Variants in SMARCC1 observed in about 807,000 individuals in gnomAD.
The protein encoded by SMARCC1 is SWI/SNF related BAF chromatin remodeling complex subunit C1, also known as SWI/SNF complex subunit SMARCC1.
A neutral mutation model predicts 147.4 loss-of-function variants in SMARCC1; 43 were observed. The observed-to-expected ratio is 0.29, with a 90% confidence interval of 0.23 to 0.38. SMARCC1 has a LOEUF of 0.38. Among genes scored for constraint, SMARCC1 ranks in the 10% least tolerant of loss-of-function variants. The pLI is 1.00. For synonymous variants in SMARCC1, 495 were observed against 484.4 expected (o/e 1.02, Z -0.29); for missense variants, 1,119 against 1,381.1 (o/e 0.81, Z 3.01).
intron 26 of SMARCC1, 137 bp from the exon 27 acceptor site, chr3:47,590,974 T>C (rs2032171858): frequency 2.6e-6 from 2 of 773,060 alleles, no homozygotes; most frequent in South Asian, 3.7e-5. Context: ...TAATCTGTAA[T>C]AATCTCTATG....
chr3:47,589,439 A>G (rs1319440173), intron 27 of SMARCC1, among the ~76,000 whole-genome samples: 2 of 152,166 alleles, frequency 1.3e-5, no homozygotes, highest in Non-Finnish European at 2.9e-5. Context: ...CCTCTGCAAT[A>G]GGGATGGAAA....
At chr3:47,696,058 C>T (rs972327553) in intron 11 of SMARCC1, among the ~76,000 whole-genome samples, 1 of 109,660 alleles carries the variant, frequency 9.1e-6, no homozygotes, top group African/African-American at 3.9e-5. Flanking sequence ...CTGAGCAAGA[C>T]GCTGTCTCAA....
chr3:47,760,584 C>T (rs1421507188), intron 2 of SMARCC1, among the ~76,000 whole-genome samples: 1 of 151,616 alleles, frequency 6.6e-6, no homozygotes, highest in African/African-American at 2.4e-5. Context: ...ATCATTTGAA[C>T]CTGGTAGGGG....
intron 7 of SMARCC1, among the ~76,000 whole-genome samples, chr3:47,715,533 C>T (rs892464845): frequency 6.6e-6 from 1 of 152,202 alleles, no homozygotes; most frequent in Non-Finnish European, 1.5e-5. Context: ...CCACTCTGCT[C>T]ACTGGTTTTC....
intron 26 of SMARCC1, among the ~76,000 whole-genome samples, chr3:47,598,719 A>G (rs573135430): frequency 6.6e-6 from 1 of 151,668 alleles, no homozygotes; most frequent in African/African-American, 2.4e-5. Flanking sequence ...GGTCACAGCT[A>G]CTTGGGAGGC....
rs1160782823 is a variant in SMARCC1 at position 47,585,491 on chromosome 3, G to C, written c.*2718C>G. 6.6e-6 allele frequency: 1 copy of C among 152,110 alleles called. No homozygotes were observed. Among genetic ancestry groups the C allele is most frequent in the Non-Finnish European group, 1.5e-5 (1 of 68,010 alleles). 9.4% of individuals were successfully genotyped at this position (152,110 alleles called of 1,614,324 possible). A position where few individuals can be genotyped will look rare whatever the true frequency, so the allele number is the denominator to read the frequency against. On this transcript the variant is annotated 3_prime_UTR_variant, in exon 28 of 28. Transcript: ENST00000254480. ...ACAATCACTTCTTTTTTTCTGCACAGGGTTTATATCTGTGAGTACCCAAAA... is the reference window on the plus strand; with the variant it reads ...ACAATCACTTCTTTTTTTCTGCACACGGTTTATATCTGTGAGTACCCAAAA...
chr3:47,629,678 T>C (rs1057260716), intron 24 of SMARCC1, among the ~76,000 whole-genome samples: 1 of 152,120 alleles, frequency 6.6e-6, no homozygotes, highest in Non-Finnish European at 1.5e-5. Flanking sequence ...TAGAGAATGA[T>C]GGTAGCCATC....
At chr3:47,671,615 T>C (rs1021146420) in intron 18 of SMARCC1, among the ~76,000 whole-genome samples, 1 of 152,250 alleles carries the variant, frequency 6.6e-6, no homozygotes, top group African/African-American at 2.4e-5. Flanking sequence ...GAAGTGAGAC[T>C]GGCTTGTGTA....
intron 2 of SMARCC1, among the ~76,000 whole-genome samples, chr3:47,758,281 A>G (rs1025288645): frequency 4.0e-5 from 6 of 151,842 alleles, no homozygotes; most frequent in Non-Finnish European, 4.4e-5. Flanking sequence ...CAACATGCTG[A>G]CGCTAATATT....
At chr3:47,736,728 G>C (rs1164115555) in intron 4 of SMARCC1, among the ~76,000 whole-genome samples, 1 of 151,650 alleles carries the variant, frequency 6.6e-6, no homozygotes, top group African/African-American at 2.4e-5. Context: ...ATAAAAAATA[G>C]CAATGGCAAA....
intron 2 of SMARCC1, among the ~76,000 whole-genome samples, chr3:47,771,514 G>A (rs1355376637): frequency 2.6e-5 from 4 of 152,134 alleles, no homozygotes; most frequent in East Asian, 3.9e-4. Context: ...CTGGGAGGCC[G>A]AGGTAGGGAA....
chr3:47,662,530 C>T lies in SMARCC1; in HGVS notation c.1962G>A (p.Gln654=), dbSNP rs1300865748. 4 of 1,613,772 alleles carry T rather than the reference C, an allele frequency of 2.5e-6. No individual in the cohort carries two copies. The highest frequency in any genetic ancestry group is 2.2e-5 in the East Asian group (1 of 44,888). The change falls in exon 20 of 28, where the codon CAG becomes CAA. Residue 654 remains glutamine (Q), a synonymous_variant. Coordinates refer to ENST00000254480, the MANE Select transcript of SMARCC1 (RefSeq NM_003074.4). ...KVSEHVGSRT[Q]DECILHFLRL... ...TCAAAAAGTGGAGGATGCATTCATC[C>T]TGAGTACGACTTCCAACATGTTCCG... is the stretch of plus-strand genomic sequence containing the variant.
At chr3:47,736,204 AC>A in intron 4 of SMARCC1, 78 bp from the exon 5 acceptor site, 2 of 743,138 alleles carry the variant, frequency 2.7e-6, no homozygotes, top group Non-Finnish European at 4.4e-6. Context: ...TATACAAACC[AC>A]CCCCAGATAA....
intron 6 of SMARCC1, among the ~76,000 whole-genome samples, chr3:47,722,446 C>T (rs544659603): frequency 1.3e-5 from 2 of 151,690 alleles, no homozygotes; most frequent in East Asian, 3.9e-4. Flanking sequence ...TACAGGCATG[C>T]GCCACACCAT....
chr3:47,752,232 A>T (rs2034637622), intron 2 of SMARCC1, among the ~76,000 whole-genome samples: 1 of 152,200 alleles, frequency 6.6e-6, no homozygotes, highest in African/African-American at 2.4e-5. Context: ...TGGCTCAAAA[A>T]AGCTCAGTAG....
chr3:47,660,486 T>G (rs1326313967), intron 21 of SMARCC1, among the ~76,000 whole-genome samples: 1 of 136,830 alleles, frequency 7.3e-6, no homozygotes, highest in Non-Finnish European at 1.6e-5. Flanking sequence ...ACAATAAAAA[T>G]GTCCATGAAC....
At chr3:47,709,993 A>C (rs778934806) in intron 9 of SMARCC1, among the ~76,000 whole-genome samples, 7 of 152,160 alleles carry the variant, frequency 4.6e-5, no homozygotes, top group African/African-American at 1.7e-4. Context: ...CTTTACACTA[A>C]CTACCATCTG....
At chr3:47,697,090 G>GTC (rs1211971032) in intron 11 of SMARCC1, among the ~76,000 whole-genome samples, 1 of 152,160 alleles carries the variant, frequency 6.6e-6, no homozygotes, top group African/African-American at 2.4e-5. Context: ...GGAGGCTGAG[G>GTC]AGGGTAGATT....
At chr3:47,646,450 G>A (rs73083140) in intron 21 of SMARCC1, among the ~76,000 whole-genome samples, 6,808 of 152,208 alleles carry the variant, frequency 0.045, 235 homozygotes, top group Non-Finnish European at 0.06. Flanking sequence ...AGGATTAAAC[G>A]ACTTAAACAA....
Sources: gnomAD v4.1 joint callset for allele counts (sites outside exome capture counted in the v4.1 genomes callset) on GRCh38, gnomAD v4.1.1 for gene constraint, MANE v1.5 for transcripts, NCBI Gene and HGNC (gene_info 2026-07-23, HGNC 2026-07-21) for gene names.